Variants in MARCHF10 observed in about 807,000 individuals in gnomAD.
MARCHF10 encodes membrane associated ring-CH-type finger 10.
MARCHF10 carries 64 observed loss-of-function variants against 76.2 expected under a neutral mutation model. The observed-to-expected ratio is 0.84, with a 90% confidence interval of 0.69 to 1.03. The LOEUF is 1.03. Ranked by LOEUF, MARCHF10 falls within the 50% of genes least tolerant of loss-of-function variation. The pLI, the probability that MARCHF10 is intolerant of heterozygous loss-of-function variation, is 0.00. For missense variants in MARCHF10, 875 were observed against 958.0 expected (o/e 0.91, Z 1.14); for synonymous variants, 340 against 357.5 (o/e 0.95, Z 0.55).
chr17:62,803,010 G>A (rs1339469291), intron 1 of MARCHF10, among the ~76,000 whole-genome samples: 1 of 152,242 alleles, frequency 6.6e-6, no homozygotes, highest in Non-Finnish European at 1.5e-5. Context: ...AGGCTGGAGT[G>A]TAGTGGTGTG....
intron 8 of MARCHF10, among the ~76,000 whole-genome samples, chr17:62,717,794 T>C (rs1319162441): frequency 6.6e-6 from 1 of 152,236 alleles, no homozygotes; most frequent in East Asian, 1.9e-4. Context: ...CCCTCCTCCC[T>C]TCTGCGTTCT....
intron 3 of MARCHF10, among the ~76,000 whole-genome samples, chr17:62,772,296 T>C (rs2092463265): frequency 6.6e-6 from 1 of 152,188 alleles, no homozygotes; most frequent in South Asian, 2.1e-4. Flanking sequence ...ACAAGTTCTC[T>C]CTTTGTCTGT....
At chr17:62,705,377 T>A in intron 10 of MARCHF10, 162 bp downstream of exon 10, 1 of 1,532,594 alleles carries the variant, frequency 6.5e-7, no homozygotes, top group Non-Finnish European at 8.7e-7. Flanking sequence ...CTCGCCTTCC[T>A]GATTGTTTGC....
intron 6 of MARCHF10, among the ~76,000 whole-genome samples, chr17:62,728,111 A>G (rs1483176293): frequency 6.6e-6 from 1 of 152,152 alleles, no homozygotes; most frequent in Non-Finnish European, 1.5e-5. Context: ...TGCAACCTCA[A>G]GCTCCTGTGC....
intron 3 of MARCHF10, among the ~76,000 whole-genome samples, chr17:62,772,739 T>C (rs1291889444): frequency 1.3e-5 from 2 of 152,192 alleles, no homozygotes; most frequent in Non-Finnish European, 2.9e-5. Context: ...CAACCTCTAA[T>C]GAAATCTCAG....
intron 4 of MARCHF10, chr17:62,746,808 C>T: frequency 8.6e-7 from 1 of 1,160,878 alleles, no homozygotes; most frequent in South Asian, 1.4e-5. Context: ...CCCACGCACC[C>T]CAGGCAGCAG....
intron 4 of MARCHF10, among the ~76,000 whole-genome samples, chr17:62,749,453 T>TG (rs1218333345): frequency 3.9e-5 from 6 of 151,980 alleles, no homozygotes; most frequent in Admixed American, 6.6e-5. Flanking sequence ...GACAACTCTT[T>TG]GAAAAAAAAA....
At chr17:62,745,641 T>C (rs1407591344) in intron 4 of MARCHF10, among the ~76,000 whole-genome samples, 2 of 152,236 alleles carry the variant, frequency 1.3e-5, no homozygotes, top group Non-Finnish European at 2.9e-5. Flanking sequence ...TTCTCTTTCC[T>C]GTCCCCTACC....
At chr17:62,766,826 A>C (rs573605057) in intron 3 of MARCHF10, among the ~76,000 whole-genome samples, 2 of 152,308 alleles carry the variant, frequency 1.3e-5, no homozygotes, top group African/African-American at 2.4e-5. Context: ...AGGATACAGA[A>C]ATAAGCTGAC....
chr17:62,732,992 C>CA (rs398041783), intron 6 of MARCHF10, among the ~76,000 whole-genome samples: 4,924 of 66,336 alleles, frequency 0.074, 340 homozygotes, highest in African/African-American at 0.1. Context: ...GACTCAGTCT[C>CA]AAAAAAAAAA....
intron 2 of MARCHF10, among the ~76,000 whole-genome samples, chr17:62,795,670 T>C (rs991567253): frequency 3.3e-5 from 5 of 152,224 alleles, no homozygotes; most frequent in Non-Finnish European, 7.3e-5. Flanking sequence ...GTAGCAGGAA[T>C]GGTTTACACA....
At chr17:62,778,464 TA>T (rs2092593836) in intron 3 of MARCHF10, among the ~76,000 whole-genome samples, 1 of 151,922 alleles carries the variant, frequency 6.6e-6, no homozygotes, top group African/African-American at 2.4e-5. Context: ...GAAATGACAA[TA>T]ATCCAGACAA....
intron 3 of MARCHF10, among the ~76,000 whole-genome samples, chr17:62,777,488 C>T (rs928273430): frequency 5.3e-5 from 8 of 151,912 alleles, no homozygotes; most frequent in Non-Finnish European, 8.8e-5. Flanking sequence ...TTTGGGAGGC[C>T]AAGGTGGGTG....
intron 6 of MARCHF10, among the ~76,000 whole-genome samples, chr17:62,734,557 T>G (rs557459475): frequency 3.3e-5 from 5 of 152,304 alleles, no homozygotes; most frequent in African/African-American, 1.2e-4. Context: ...TAAGGCATAT[T>G]GGAAAATAAT....
chr17:62,718,947 C>T (rs920952913), intron 8 of MARCHF10, among the ~76,000 whole-genome samples: 4 of 152,200 alleles, frequency 2.6e-5, no homozygotes, highest in African/African-American at 7.2e-5. Context: ...CCCTTATTCA[C>T]TGAACTCTTC....
At chr17:62,724,870 C>A in intron 7 of MARCHF10, 68 bp downstream of exon 7, 1 of 1,560,478 alleles carries the variant, frequency 6.4e-7, no homozygotes, top group Non-Finnish European at 8.7e-7. Flanking sequence ...GGCTCCGGGG[C>A]CCACACCGTG....
intron 2 of MARCHF10, among the ~76,000 whole-genome samples, chr17:62,791,079 C>A (rs1325070041): frequency 6.6e-6 from 1 of 152,142 alleles, no homozygotes; most frequent in African/African-American, 2.4e-5. Context: ...GCAAGAAAAA[C>A]CAAAGAACAC....
intron 3 of MARCHF10, among the ~76,000 whole-genome samples, chr17:62,786,574 T>C (rs2092751579): frequency 6.6e-6 from 1 of 152,188 alleles, no homozygotes; most frequent in African/African-American, 2.4e-5. Context: ...ATAAAATTAT[T>C]GGGAAATAAG....
chr17:62,731,518 GC>G (rs1399489924), intron 6 of MARCHF10, among the ~76,000 whole-genome samples: 3 of 152,118 alleles, frequency 2.0e-5, no homozygotes, highest in African/African-American at 2.4e-5. Flanking sequence ...ACCCACTTTG[GC>G]CTCCCAAAGT....
Sources: gnomAD v4.1 joint callset for allele counts (sites outside exome capture counted in the v4.1 genomes callset) on GRCh38, gnomAD v4.1.1 for gene constraint, MANE v1.5 for transcripts, NCBI Gene and HGNC (gene_info 2026-07-23, HGNC 2026-07-21) for gene names.